ST6GALNAC3: variants seen among roughly 807,000 people sequenced by gnomAD.
ST6GALNAC3 encodes ST6 N-acetylgalactosaminide alpha-2,6-sialyltransferase 3, also known as alpha-N-acetylgalactosaminide alpha-2,6-sialyltransferase 3.
In ST6GALNAC3, 25 loss-of-function variants were observed where a neutral mutation model predicts 32.7. That is an observed-to-expected ratio of 0.76 (90% CI 0.56 to 1.07). The LOEUF is 1.07. Ranked by LOEUF, ST6GALNAC3 falls within the 50% of genes least tolerant of loss-of-function variation. The pLI is 0.00. For missense variants in ST6GALNAC3, 355 were observed against 382.4 expected, an observed-to-expected ratio of 0.93 and a Z score of 0.60; for synonymous variants, 129 against 133.1, an observed-to-expected ratio of 0.97 and a Z score of 0.21.
chr1:76,632,926 C>A lies in ST6GALNAC3; in HGVS notation c.*4120C>A, dbSNP rs1287865565. 1 of 151,940 alleles carries A rather than the reference C, an allele frequency of 6.6e-6. No homozygotes were observed. The highest frequency in any genetic ancestry group is 1.5e-5 in the Non-Finnish European group (1 of 67,990). The allele number at this position is 151,940 out of a possible 1,614,324, so 9.4% of individuals were successfully genotyped here. Reference sequence around the variant, plus strand: ...CAACAAAGGATTTACAGTCTGAGGGCCAAGAGAGAAAAAATGCTTTTTTCT... The same window carrying A: ...CAACAAAGGATTTACAGTCTGAGGGACAAGAGAGAAAAAATGCTTTTTTCT... On this transcript the variant is annotated 3_prime_UTR_variant, in exon 5 of 5. Transcript: ENST00000328299.
intron 1 of ST6GALNAC3, among the ~76,000 whole-genome samples, chr1:76,171,808 AAAC>A (rs202123836): frequency 0.2 from 18,197 of 90,364 alleles, 1,281 homozygotes; most frequent in Non-Finnish European, 0.24. Context: ...TAGCCTACCA[AAAC>A]AACAACAAAA....
At chr1:76,092,751 A>G (rs1647066763) in intron 1 of ST6GALNAC3, among the ~76,000 whole-genome samples, 1 of 152,146 alleles carries the variant, frequency 6.6e-6, no homozygotes, top group Admixed American at 6.5e-5. Context: ...CTCATAAATT[A>G]TGTGGTTGGT....
chr1:76,342,827 A>G (rs1174372212), intron 2 of ST6GALNAC3, among the ~76,000 whole-genome samples: 2 of 151,932 alleles, frequency 1.3e-5, no homozygotes, highest in African/African-American at 4.8e-5. Context: ...ATGATTAGCA[A>G]TGTTGAGCTT....
In ST6GALNAC3 at chr1:76,389,213, A is replaced by G. The variant is rs536281700; in HGVS notation, c.214-22795A>G. Among the ~76,000 whole-genome samples, 3 of 152,078 alleles carry G rather than the reference A, an allele frequency of 2.0e-5. No homozygotes were observed. The East Asian group carries it at 5.8e-4, about 29-fold the overall frequency. ...TGCATGATGAAAAGGTATCTGCAAAATGGGAGGATGAGCAGAAGACAAAGA... is the reference window on the plus strand; with the variant it reads ...TGCATGATGAAAAGGTATCTGCAAAGTGGGAGGATGAGCAGAAGACAAAGA... On this transcript the variant is annotated intron_variant, in intron 2 of 4. Transcript: ENST00000328299.
rs1394580188 is a variant in ST6GALNAC3 at position 76,629,093 on chromosome 1, C to G, written c.*287C>G. The G allele has an allele frequency of 7.8e-5, 89 of 1,144,012 alleles. No individual in the cohort carries two copies. The highest frequency in any genetic ancestry group is 9.4e-5 in the Non-Finnish European group (88 of 932,748). 70.9% of individuals were successfully genotyped at this position (1,144,012 alleles called of 1,614,324 possible). ...AGGCCAGTGACATGACAACTGTGAC[C>G]TAAGAAATGGGAAGATTATCTTTCA... is the stretch of plus-strand genomic sequence containing the variant. On this transcript the variant is annotated 3_prime_UTR_variant, in exon 5 of 5. Transcript: ENST00000328299.
chr1:76,312,733 A>G (rs1182956771), intron 1 of ST6GALNAC3, among the ~76,000 whole-genome samples: 1 of 152,166 alleles, frequency 6.6e-6, no homozygotes, highest in African/African-American at 2.4e-5. Flanking sequence ...AACTTAGTAT[A>G]GATGTATTAG....
chr1:76,450,699 A>G (rs1657329889), intron 3 of ST6GALNAC3, among the ~76,000 whole-genome samples: 1 of 152,160 alleles, frequency 6.6e-6, no homozygotes, highest in Non-Finnish European at 1.5e-5. Flanking sequence ...CTTAGATATA[A>G]ATGCTTGAGC....
At chr1:76,577,214 T>C in intron 3 of ST6GALNAC3, 1 of 1,010,086 alleles carries the variant, frequency 9.9e-7, no homozygotes, top group Non-Finnish European at 1.2e-6. Context: ...GCAAAACTTG[T>C]TCTTCCCATT....
chr1:76,116,410 T>C (rs1287464284), intron 1 of ST6GALNAC3, among the ~76,000 whole-genome samples: 14 of 152,158 alleles, frequency 9.2e-5, no homozygotes, highest in Non-Finnish European at 2.1e-4. Context: ...TTCCGCATTC[T>C]GGAAAATGCT....
At chr1:76,255,147 C>T (rs1470292702) in intron 1 of ST6GALNAC3, among the ~76,000 whole-genome samples, 3 of 151,816 alleles carry the variant, frequency 2.0e-5, no homozygotes, top group South Asian at 2.1e-4. Context: ...TAGTCCAAAA[C>T]ATTGGCATCC....
chr1:76,492,779 G>A (rs1414187130), intron 3 of ST6GALNAC3, among the ~76,000 whole-genome samples: 1 of 152,178 alleles, frequency 6.6e-6, no homozygotes. Flanking sequence ...AAATAAATAT[G>A]TGAGATGAAG....
At chr1:76,431,223 A>G (rs1244765901) in intron 3 of ST6GALNAC3, among the ~76,000 whole-genome samples, 3 of 152,162 alleles carry the variant, frequency 2.0e-5, no homozygotes, top group Admixed American at 6.5e-5. Flanking sequence ...AAACAAAAGC[A>G]GGTGAACACT....
intron 2 of ST6GALNAC3, among the ~76,000 whole-genome samples, chr1:76,349,485 G>GA (rs749676135): frequency 7.9e-5 from 12 of 151,990 alleles, no homozygotes; most frequent in South Asian, 2.1e-4. Flanking sequence ...GGCTTTCCAA[G>GA]AAAAAACACC....
intron 1 of ST6GALNAC3, among the ~76,000 whole-genome samples, chr1:76,237,408 A>G (rs777828541): frequency 6.6e-6 from 1 of 152,338 alleles, no homozygotes; most frequent in South Asian, 2.1e-4. Flanking sequence ...CTGGGATTAC[A>G]TACGCCTGGT....
intron 1 of ST6GALNAC3, among the ~76,000 whole-genome samples, chr1:76,154,774 A>G (rs548332536): frequency 1.3e-5 from 2 of 152,122 alleles, no homozygotes; most frequent in South Asian, 4.1e-4. Context: ...GAGATTTTCT[A>G]TTGAGGGAGG....
At chr1:76,487,526 G>T (rs1660202586) in intron 3 of ST6GALNAC3, among the ~76,000 whole-genome samples, 1 of 152,126 alleles carries the variant, frequency 6.6e-6, no homozygotes, top group Admixed American at 6.5e-5. Flanking sequence ...ATCGGCTACT[G>T]AAGCTTGTGC....
intron 1 of ST6GALNAC3, among the ~76,000 whole-genome samples, chr1:76,239,688 C>G (rs1656859739): frequency 6.6e-6 from 1 of 152,164 alleles, no homozygotes; most frequent in Non-Finnish European, 1.5e-5. Flanking sequence ...CAGCACCTCC[C>G]ACTAGGTCTA....
intron 3 of ST6GALNAC3, among the ~76,000 whole-genome samples, chr1:76,597,339 G>A (rs2100610888): frequency 6.6e-6 from 1 of 152,182 alleles, no homozygotes; most frequent in South Asian, 2.1e-4. Flanking sequence ...ACAGTGGTGA[G>A]TTTCCTTCCC....
chr1:76,179,549 A>T (rs1653048495), intron 1 of ST6GALNAC3, among the ~76,000 whole-genome samples: 1 of 152,298 alleles, frequency 6.6e-6, no homozygotes, highest in Non-Finnish European at 1.5e-5. Flanking sequence ...TAGTCATGTA[A>T]TGATCCTTTA....
Sources: gnomAD v4.1 joint callset for allele counts (sites outside exome capture counted in the v4.1 genomes callset) on GRCh38, gnomAD v4.1.1 for gene constraint, MANE v1.5 for transcripts, NCBI Gene and HGNC (gene_info 2026-07-23, HGNC 2026-07-21) for gene names.